The following EIF2AK3 variants were observed in gnomAD, a reference collection of about 807,000 sequenced individuals.
EIF2AK3 encodes eukaryotic translation initiation factor 2-alpha kinase 3.
EIF2AK3 carries 50 observed loss-of-function variants against 113.5 expected under a neutral mutation model. The observed-to-expected ratio is 0.44, with a 90% CI of 0.35 to 0.56. The LOEUF (loss-of-function observed/expected upper bound fraction) is 0.56. Among genes scored for constraint, EIF2AK3 ranks in the 20% least tolerant of loss-of-function variants. The pLI, the probability that EIF2AK3 is intolerant of heterozygous loss-of-function variation, is 0.00. For missense variants in EIF2AK3, 1,185 were observed against 1,378.0 expected, an observed-to-expected ratio of 0.86 and a Z score of 2.22; for synonymous variants, 448 against 495.4, an observed-to-expected ratio of 0.90 and a Z score of 1.27.
intron 10 of EIF2AK3, among the ~76,000 whole-genome samples, chr2:88,581,627 A>C (rs1035996653): frequency 1.3e-5 from 2 of 152,218 alleles, no homozygotes; most frequent in African/African-American, 4.8e-5. Flanking sequence ...TGTTTAATGA[A>C]CAGTGAATAA....
chr2:88,580,185 C>CG (rs1674564734), intron 10 of EIF2AK3, among the ~76,000 whole-genome samples: 1 of 152,174 alleles, frequency 6.6e-6, no homozygotes, highest in Admixed American at 6.5e-5. Context: ...GGTACCAAGT[C>CG]AAACAGAAGC....
At chr2:88,565,360 T>A (rs201153315) in intron 14 of EIF2AK3, among the ~76,000 whole-genome samples, 4 of 146,630 alleles carry the variant, frequency 2.7e-5, no homozygotes, top group Non-Finnish European at 4.5e-5. Context: ...TTTTTTTTTT[T>A]AAAGGGGTTT....
At chr2:88,568,168 C>T (rs1211843880) in intron 14 of EIF2AK3, among the ~76,000 whole-genome samples, 1 of 152,182 alleles carries the variant, frequency 6.6e-6, no homozygotes, top group South Asian at 2.1e-4. Context: ...AACTTGCCCT[C>T]CTCAAAGGCA....
At chr2:88,611,111 A>G (rs1573419734) in intron 2 of EIF2AK3, among the ~76,000 whole-genome samples, 1 of 152,332 alleles carries the variant, frequency 6.6e-6, no homozygotes, top group Middle Eastern at 3.4e-3. Context: ...ACTGTAGTCT[A>G]TGAAGAGCCT....
chr2:88,622,678 GT>G (rs1675756191), intron 1 of EIF2AK3, among the ~76,000 whole-genome samples: 1 of 152,190 alleles, frequency 6.6e-6, no homozygotes, highest in Admixed American at 6.5e-5. Context: ...GTGACTGTTA[GT>G]TAACTTTAAA....
intron 3 of EIF2AK3, among the ~76,000 whole-genome samples, chr2:88,594,904 G>T (rs928219211): frequency 7.3e-6 from 1 of 137,258 alleles, no homozygotes; most frequent in Non-Finnish European, 1.6e-5. Flanking sequence ...ATAAAAAAAA[G>T]AACCTGAGGC....
intron 3 of EIF2AK3, among the ~76,000 whole-genome samples, chr2:88,594,313 C>A (rs1442302979): frequency 6.6e-6 from 1 of 152,218 alleles, no homozygotes; most frequent in Admixed American, 6.5e-5. Context: ...GTACCTCAGC[C>A]TCCTGACTAG....
intron 2 of EIF2AK3, among the ~76,000 whole-genome samples, chr2:88,598,580 A>G (rs1192170647): frequency 6.6e-6 from 1 of 152,082 alleles, no homozygotes; most frequent in Non-Finnish European, 1.5e-5. Context: ...CAGAGAAACC[A>G]TATTCTTCAA....
In EIF2AK3 at chr2:88,557,743, C is replaced by T; in HGVS notation, c.3344G>A (p.Ser1115Asn). Reference sequence around the variant, plus strand: ...TGCTAGCACAACTTAAGGCTAATTGCTTGGCAAAGGGCTATGGGAGTTGTT... The same window carrying T: ...TGCTAGCACAACTTAAGGCTAATTGTTTGGCAAAGGGCTATGGGAGTTGTT... ...QSNNSHSPLP[S>N]N The change falls in exon 17 of 17, where the codon AGC (serine) becomes AAC (asparagine). Residue 1115 changes from serine to asparagine, a missense_variant. Ser to Asn is a conservative substitution (Grantham distance 46). Around this residue, in one of 3 missense-constraint regions of EIF2AK3, gnomAD observed 877 missense variants for 1,024.2 expected, o/e 0.86. Coordinates refer to ENST00000303236, the MANE Select transcript of EIF2AK3 (RefSeq NM_004836.7). 2 of 1,614,108 alleles carry T rather than the reference C, an allele frequency of 1.2e-6. No individual in the cohort carries two copies. The highest frequency in any genetic ancestry group is 8.5e-7 in the Non-Finnish European group (1 of 1,179,968).
chr2:88,627,379 G>A lies in EIF2AK3; in HGVS notation c.-105C>T. The A allele has an allele frequency of 6.2e-6, 8 of 1,298,052 alleles. No individual in the cohort carries two copies. The highest frequency in any genetic ancestry group is 7.9e-6 in the Non-Finnish European group (8 of 1,010,160). The allele number at this position is 1,298,052 out of a possible 1,614,324, so 80.4% of individuals were successfully genotyped here. On this transcript the variant is annotated 5_prime_UTR_variant, in exon 1 of 17. Coordinates refer to ENST00000303236, the MANE Select transcript of EIF2AK3 (RefSeq NM_004836.7). Reference sequence around the variant, plus strand: ...GCAAGGACGTGCTAGGGACCCTACTGCCGCCCCGACGGCCTGGACAGCCAG... The same window carrying A: ...GCAAGGACGTGCTAGGGACCCTACTACCGCCCCGACGGCCTGGACAGCCAG...
chr2:88,626,795 G>A (rs1426827010), intron 1 of EIF2AK3, among the ~76,000 whole-genome samples, 172 bp downstream of exon 1: 4 of 152,240 alleles, frequency 2.6e-5, no homozygotes, highest in African/African-American at 7.2e-5. Flanking sequence ...CAGGTCGCTG[G>A]CCGGGGGATG....
intron 1 of EIF2AK3, 39 bp downstream of exon 1, chr2:88,626,928 C>T: frequency 6.2e-7 from 1 of 1,603,464 alleles, no homozygotes; most frequent in Non-Finnish European, 8.5e-7. Context: ...GGCTCGCGCG[C>T]GTAAACAAGT....
At chr2:88,577,768 C>T (rs1302462889) in intron 11 of EIF2AK3, among the ~76,000 whole-genome samples, 1 of 152,172 alleles carries the variant, frequency 6.6e-6, no homozygotes, top group Non-Finnish European at 1.5e-5. Flanking sequence ...TCCATACCAC[C>T]TCCAAGTGCT....
intron 2 of EIF2AK3, among the ~76,000 whole-genome samples, chr2:88,607,077 A>C (rs1415157420): frequency 6.6e-6 from 1 of 152,222 alleles, no homozygotes; most frequent in Non-Finnish European, 1.5e-5. Flanking sequence ...TACAATATGC[A>C]TTCTGAATAA....
intron 2 of EIF2AK3, among the ~76,000 whole-genome samples, chr2:88,609,945 C>CCAA (rs1675387670): frequency 2.6e-5 from 1 of 38,800 alleles, no homozygotes; most frequent in African/African-American, 9.6e-5. Flanking sequence ...TCCATCTCTA[C>CCAA]AAAAAAAAAA....
chr2:88,601,388 G>A (rs936849328), intron 2 of EIF2AK3, among the ~76,000 whole-genome samples: 3 of 152,206 alleles, frequency 2.0e-5, no homozygotes, highest in Non-Finnish European at 4.4e-5. Context: ...CTGGTGCTAC[G>A]CACTTCCTAT....
intron 2 of EIF2AK3, among the ~76,000 whole-genome samples, chr2:88,606,218 C>A (rs890516110): frequency 6.6e-6 from 1 of 151,602 alleles, no homozygotes; most frequent in Admixed American, 6.6e-5. Context: ...TAAAAGAACA[C>A]TGATTTTAAT....
In EIF2AK3 at chr2:88,557,817, C is replaced by T; in HGVS notation, c.3270G>A (p.Gln1090=). ...CCGATGAACTCAAGGAGCGAGACCT[C>T]TGTCTGAGCACTGTTTTTCCTGGAA... ...LDFPGKTVLR[Q]RSRSLSSSGT... is the part of the protein sequence containing the mutation. The change falls in exon 17 of 17, where the codon CAG becomes CAA. Residue 1090 remains glutamine, a synonymous_variant. Coordinates refer to ENST00000303236, the MANE Select transcript of EIF2AK3 (RefSeq NM_004836.7). The T allele has an allele frequency of 6.2e-7, 1 of 1,614,142 alleles. No individual in the cohort carries two copies. Among genetic ancestry groups the T allele is most frequent in the Non-Finnish European group, 8.5e-7 (1 of 1,179,978 alleles).
At chr2:88,612,164 T>A (rs1355789041) in intron 2 of EIF2AK3, among the ~76,000 whole-genome samples, 1 of 152,162 alleles carries the variant, frequency 6.6e-6, no homozygotes, top group African/African-American at 2.4e-5. Flanking sequence ...AGCACTCAGG[T>A]TATTACAACT....
Sources: gnomAD v4.1 joint callset for allele counts (sites outside exome capture counted in the v4.1 genomes callset) on GRCh38, gnomAD v4.1.1 for gene constraint, gnomAD v4.1.1 regional missense constraint, MANE v1.5 for transcripts, NCBI Gene and HGNC (gene_info 2026-07-23, HGNC 2026-07-21) for gene names.